FER: variants seen among roughly 807,000 people sequenced by gnomAD.
The protein encoded by FER is FER tyrosine kinase, also known as tyrosine-protein kinase Fer.
FER carries 63 observed loss-of-function variants against 111.0 expected under a neutral mutation model. The observed-to-expected ratio is 0.57, with a 90% CI of 0.46 to 0.70. FER has a LOEUF of 0.70. Among genes scored for constraint, FER ranks in the 30% least tolerant of loss-of-function variants. The pLI, the probability that FER is intolerant of heterozygous loss-of-function variation, is 0.00. For synonymous variants in FER, 327 were observed against 313.9 expected (o/e 1.04, Z -0.44); for missense variants, 914 against 954.0 (o/e 0.96, Z 0.55).
At chr5:109,145,288 C>A (rs1753962377) in intron 17 of FER, among the ~76,000 whole-genome samples, 1 of 151,956 alleles carries the variant, frequency 6.6e-6, no homozygotes, top group Non-Finnish European at 1.5e-5. Context: ...GAGAAAGTGA[C>A]TCTATTCCCA....
intron 17 of FER, among the ~76,000 whole-genome samples, chr5:109,115,047 T>G (rs1750063964): frequency 6.6e-6 from 1 of 152,168 alleles, no homozygotes; most frequent in African/African-American, 2.4e-5. Flanking sequence ...AGTAGATATT[T>G]TGTTGCTAAT....
At chr5:109,058,767 C>G (rs1411690329) in intron 16 of FER, among the ~76,000 whole-genome samples, 1 of 106,214 alleles carries the variant, frequency 9.4e-6, no homozygotes, top group Non-Finnish European at 1.7e-5. Flanking sequence ...GAGTCTAGCT[C>G]TGTCTCCCAG....
At chr5:108,757,911 C>G (rs1184371512) in intron 1 of FER, among the ~76,000 whole-genome samples, 5 of 152,114 alleles carry the variant, frequency 3.3e-5, no homozygotes, top group Non-Finnish European at 7.4e-5. Flanking sequence ...TTTCTGATTT[C>G]TTTTCTGTAT....
intron 13 of FER, among the ~76,000 whole-genome samples, chr5:108,964,721 A>G (rs1048644330): frequency 1.6e-4 from 24 of 152,344 alleles, no homozygotes; most frequent in Admixed American, 7.8e-4. Flanking sequence ...ACAAGTTTTC[A>G]TAGTGGGTCT....
intron 13 of FER, among the ~76,000 whole-genome samples, chr5:109,031,087 C>G (rs1371357051): frequency 6.6e-6 from 1 of 152,024 alleles, no homozygotes; most frequent in Non-Finnish European, 1.5e-5. Context: ...AGTTGGATCT[C>G]CAGTCAATCC....
At chr5:109,014,363 G>C (rs938654668) in intron 13 of FER, among the ~76,000 whole-genome samples, 20 of 152,180 alleles carry the variant, frequency 1.3e-4, no homozygotes, top group Non-Finnish European at 2.2e-4. Flanking sequence ...TGTTGTTTTT[G>C]TCAGGTTTGT....
At chr5:109,042,521 C>T (rs1048661579) in intron 14 of FER, among the ~76,000 whole-genome samples, 4 of 152,146 alleles carry the variant, frequency 2.6e-5, no homozygotes, top group Non-Finnish European at 4.4e-5. Flanking sequence ...GACTGTCCCC[C>T]TGACCACCGT....
At chr5:108,988,628 A>G (rs1437821540) in intron 13 of FER, among the ~76,000 whole-genome samples, 1 of 152,066 alleles carries the variant, frequency 6.6e-6, no homozygotes, top group Non-Finnish European at 1.5e-5. Context: ...ATCAGTTGTA[A>G]TATCTCCCAT....
In FER at chr5:108,772,395, C is replaced by T. The variant is rs192831481; in HGVS notation, c.-60+4157C>T. Among the ~76,000 whole-genome samples, 151 of 137,136 alleles carry T rather than the reference C, an allele frequency of 1.1e-3. 2 individuals are homozygous for T. Among genetic ancestry groups the T allele is most frequent in the Admixed American group, 0.01 (146 of 14,190 alleles). The allele number at this position is 137,136 out of a possible 152,430, so 90.0% of individuals were successfully genotyped here. A position where few individuals can be genotyped will look rare whatever the true frequency, so the allele number is the denominator to read the frequency against. On this transcript the variant is annotated intron_variant, in intron 2 of 19. Transcript: ENST00000281092. ...GGATTCAAGCAGGTTTCATGTATTG[C>T]ATTTGCTTCTTATGCCTCTTTATTC... is the stretch of plus-strand genomic sequence containing the variant.
At chr5:108,936,239 G>A (rs1755455220) in intron 10 of FER, among the ~76,000 whole-genome samples, 1 of 152,036 alleles carries the variant, frequency 6.6e-6, no homozygotes, top group African/African-American at 2.4e-5. Context: ...CAAGGAAAAT[G>A]ATTCTGCTTA....
intron 3 of FER, chr5:108,820,516 A>T: frequency 1.0e-6 from 1 of 985,398 alleles, no homozygotes; most frequent in Non-Finnish European, 1.2e-6. Context: ...AAGTATTGGG[A>T]AAGAAAAGGT....
intron 8 of FER, among the ~76,000 whole-genome samples, chr5:108,880,564 T>G (rs1333712905): frequency 6.6e-6 from 1 of 152,120 alleles, no homozygotes; most frequent in Non-Finnish European, 1.5e-5. Context: ...GAAATGTAGC[T>G]TTCTTGACAA....
At chr5:108,812,233 T>C (rs1206674577) in intron 3 of FER, among the ~76,000 whole-genome samples, 1 of 152,244 alleles carries the variant, frequency 6.6e-6, no homozygotes, top group Non-Finnish European at 1.5e-5. Context: ...AGAAATGTTA[T>C]ATCTTCTTGA....
intron 10 of FER, among the ~76,000 whole-genome samples, chr5:108,910,656 C>A (rs1751420051): frequency 6.6e-6 from 1 of 151,824 alleles, no homozygotes; most frequent in Non-Finnish European, 1.5e-5. Flanking sequence ...CTTTAGGAGT[C>A]CCCAGTGTCT....
intron 16 of FER, among the ~76,000 whole-genome samples, chr5:109,075,144 T>C (rs1776173615): frequency 6.6e-6 from 1 of 152,212 alleles, no homozygotes; most frequent in Non-Finnish European, 1.5e-5. Context: ...CTCTCATCTC[T>C]TGTTTACGCT....
intron 12 of FER, among the ~76,000 whole-genome samples, chr5:108,957,343 A>G (rs1758559047): frequency 6.6e-6 from 1 of 151,664 alleles, no homozygotes; most frequent in Non-Finnish European, 1.5e-5. Flanking sequence ...AGTAGGTATT[A>G]TGAAAAAATG....
At position 108,832,908 on chromosome 5, in the gene FER, G is replaced by A. The variant is rs1026316854; in HGVS notation, c.346G>A (p.Gly116Ser). 8 of 1,601,976 alleles carry A rather than the reference G, an allele frequency of 5.0e-6. No homozygotes were observed. The highest frequency in any genetic ancestry group is 1.7e-4 in the Middle Eastern group (1 of 6,030). ...GCAGCAGGTGAAGAAAAGTTACATA[G>A]GTGTTCATCAGCAGATAGAGGCAGA... The part of the protein sequence containing the change: ...DKQQVKKSYI[G>S]VHQQIEAEMI... Residue 116 changes from glycine (G) to serine (S), a missense_variant, in exon 4 of 20, where the codon GGT becomes AGT. Around this residue, in one of 3 missense-constraint regions of FER, gnomAD observed 774 missense variants for 782.6 expected, o/e 0.99. Transcript: ENST00000281092.
At chr5:108,974,901 G>T (rs576070589) in intron 13 of FER, among the ~76,000 whole-genome samples, 1 of 152,202 alleles carries the variant, frequency 6.6e-6, no homozygotes, top group East Asian at 1.9e-4. Flanking sequence ...GACTCATTCT[G>T]GACTTTTGAC....
chr5:108,908,148 A>G (rs1404368782), intron 10 of FER, among the ~76,000 whole-genome samples: 1 of 152,204 alleles, frequency 6.6e-6, no homozygotes, highest in African/African-American at 2.4e-5. Flanking sequence ...GTTAATTAAA[A>G]AACAAAAACT....
Sources: allele counts gnomAD v4.1 joint callset (sites outside exome capture counted in the v4.1 genomes callset), GRCh38; gene constraint gnomAD v4.1.1; regional missense constraint gnomAD v4.1.1; transcripts MANE v1.5; gene names NCBI Gene and HGNC (gene_info 2026-07-23, HGNC 2026-07-21).